The following MDFI variants were observed in gnomAD, a reference collection of about 807,000 sequenced individuals.
MDFI encodes the protein inhibitor of MyoD family a.
In MDFI, 16 loss-of-function variants were observed where a neutral mutation model predicts 22.3. The ratio of observed to expected loss-of-function variants is 0.72; its 90% CI spans 0.49 to 1.09. The LOEUF (loss-of-function observed/expected upper bound fraction) is 1.09, where lower values mean the gene tolerates loss of function less well. Among genes scored for constraint, MDFI ranks in the 50% least tolerant of loss-of-function variants. The probability of loss-of-function intolerance (pLI) is 0.00; values close to 1 mark genes in which losing one functional copy is unlikely to be tolerated. For missense variants in MDFI, 314 were observed against 326.1 expected, an observed-to-expected ratio of 0.96 and a Z score of 0.29; for synonymous variants, 145 against 142.7, an observed-to-expected ratio of 1.02 and a Z score of -0.12.
chr6:41,653,514 G>A lies in MDFI; in HGVS notation c.680G>A (p.Cys227Tyr). 2 of 1,602,100 alleles carry A rather than the reference G, an allele frequency of 1.2e-6. No individual in the cohort carries two copies. The highest frequency in any genetic ancestry group is 3.3e-5 in the Admixed American group (2 of 60,032). ...GACTGCGGCATCCTGGATGCCTGCT[G>A]CGAGTCCGCGGACTGCCTGGAGATC... is the stretch of plus-strand genomic sequence containing the variant. ...DLDCGILDAC[C>Y]ESADCLEICM... Residue 227 changes from cysteine (C) to tyrosine (Y), a missense_variant, in exon 5 of 5, where the codon TGC becomes TAC. Coordinates refer to ENST00000230321, the MANE Select transcript of MDFI (RefSeq NM_005586.4). This position sits in a 1 kb window ranked among gnomAD's most constrained non-coding sequence, Gnocchi z 4.2.
intron 2 of MDFI, 63 bp from the exon 3 acceptor site, chr6:41,646,063 C>T: frequency 1.4e-6 from 2 of 1,387,114 alleles, no homozygotes; most frequent in South Asian, 1.7e-5. Flanking sequence ...GGGGCGGGGC[C>T]CACGGCTGGG....
upstream of MDFI, chr6:41,637,241 G>C (rs966769827): frequency 6.6e-6 from 1 of 152,054 alleles, no homozygotes; most frequent in Admixed American, 6.5e-5. The surrounding 1 kb of genome is among the most constrained non-coding windows in gnomAD (Gnocchi z 6.8). Flanking sequence ...TCCCGGTCCT[G>C]GCCCCGACGG....
At chr6:41,643,552 A>AGGAG (rs1355179742) in intron 2 of MDFI, among the ~76,000 whole-genome samples, 2 of 77,356 alleles carry the variant, frequency 2.6e-5, no homozygotes, top group Non-Finnish European at 5.3e-5. Flanking sequence ...GAAGGAGGGA[A>AGGAG]GGAAGGAAGG....
chr6:41,639,096 AC>A (rs746454426), intron 2 of MDFI: 13,248 of 453,398 alleles, frequency 0.029, 189 homozygotes, highest in South Asian at 0.058. Context: ...ACACACACAC[AC>A]AAACACACAC....
At position 41,641,077 on chromosome 6, in the gene MDFI, C is replaced by T. The variant is rs1433653252; in HGVS notation, c.76+2252C>T. Among the ~76,000 whole-genome samples, 4 of 152,176 alleles carry T rather than the reference C, an allele frequency of 2.6e-5. No individual in the cohort carries two copies. In the South Asian group the frequency reaches 8.3e-4, roughly 32 times the overall value. On this transcript the variant is annotated intron_variant, in intron 2 of 4. Transcript: ENST00000230321. Reference sequence around the variant, plus strand: ...CCATGTGTGCATCAAAGGAGTCCACCCTCTCTGACTTTCTTGGGGTTCAGG... The same window carrying T: ...CCATGTGTGCATCAAAGGAGTCCACTCTCTCTGACTTTCTTGGGGTTCAGG...
chr6:41,646,184 G>A lies in MDFI; in HGVS notation c.135G>A (p.Ala45=), dbSNP rs370694179. ...LEVVTGSTHP[A]EAAPEEGSLE... The stretch of plus-strand genomic sequence containing the variant: ...TAGTAACAGGATCCACTCACCCTGC[G>A]GAGGCAGCACCAGAGGAGGGCTCCC... The change falls in exon 3 of 5, where the codon GCG becomes GCA. Residue 45 remains alanine (A), a synonymous_variant. Coordinates refer to ENST00000230321, the MANE Select transcript of MDFI (RefSeq NM_005586.4). The A allele has an allele frequency of 6.6e-5, 105 of 1,589,956 alleles. 1 individual carries two copies. The Middle Eastern group carries it at 1.2e-3, about 18-fold the overall frequency.
chr6:41,643,041 TCA>T (rs891462427), intron 2 of MDFI, among the ~76,000 whole-genome samples: 54 of 152,148 alleles, frequency 3.5e-4, no homozygotes, highest in Admixed American at 3.3e-3. Context: ...ACCATAGGAC[TCA>T]CAGTGTCACC....
At position 41,653,599 on chromosome 6, in the gene MDFI, C is replaced by A; in HGVS notation, c.*24C>A. On this transcript the variant is annotated 3_prime_UTR_variant, in exon 5 of 5. Coordinates refer to ENST00000230321, the MANE Select transcript of MDFI (RefSeq NM_005586.4). The surrounding 1 kb of genome is among the most constrained non-coding windows in gnomAD (Gnocchi z 4.2). ...GAGCCTCTGTCGGGGGCTAAGCCAG[C>A]CTGGCGCCCCTGCAGATTCCAGCAG... The A allele has an allele frequency of 6.3e-7, 1 of 1,597,234 alleles. No homozygotes were observed. The highest frequency in any genetic ancestry group is 8.5e-7 in the Non-Finnish European group (1 of 1,178,024).
At chr6:41,651,295 G>A (rs1768262763) in intron 4 of MDFI, among the ~76,000 whole-genome samples, 1 of 149,514 alleles carries the variant, frequency 6.7e-6, no homozygotes, top group South Asian at 2.2e-4. Flanking sequence ...GATGTGATAA[G>A]TGCAATGATA....
At chr6:41,642,470 C>T (rs914180981) in intron 2 of MDFI, among the ~76,000 whole-genome samples, 6 of 152,134 alleles carry the variant, frequency 3.9e-5, no homozygotes, top group South Asian at 4.1e-4. Flanking sequence ...GGGCTCTTGG[C>T]GCCTCTGCCC....
At chr6:41,649,161 C>A (rs989935925) in intron 3 of MDFI, among the ~76,000 whole-genome samples, 2 of 152,222 alleles carry the variant, frequency 1.3e-5, no homozygotes, top group East Asian at 1.9e-4. Flanking sequence ...TCACCCAGTG[C>A]GCCAAGGGCA....
intron 4 of MDFI, among the ~76,000 whole-genome samples, chr6:41,652,914 G>A (rs534188828): frequency 4.5e-4 from 69 of 152,260 alleles, no homozygotes; most frequent in Admixed American, 3.4e-3. Flanking sequence ...CACTGGGCCC[G>A]GCCGACTTCT....
At chr6:41,637,980 T>C (rs952944337), upstream of MDFI, among the ~76,000 whole-genome samples, 2 of 152,142 alleles carry the variant, frequency 1.3e-5, no homozygotes, top group Non-Finnish European at 2.9e-5. This position sits in a 1 kb window ranked among gnomAD's most constrained non-coding sequence, Gnocchi z 6.8. Flanking sequence ...CAGATCCCTG[T>C]CCCTGGCTTA....
chr6:41,649,563 T>TG, intron 3 of MDFI, 56 bp from the exon 4 acceptor site: 1 of 1,457,954 alleles, frequency 6.9e-7, no homozygotes. Context: ...AGCATAGCTC[T>TG]GGGGGCCGAA....
intron 3 of MDFI, 105 bp from the exon 4 acceptor site, chr6:41,649,513 TG>T: frequency 1.9e-6 from 2 of 1,028,316 alleles, no homozygotes; most frequent in Non-Finnish European, 2.9e-6. Context: ...TCTGGCTGGG[TG>T]CTTTGGGGTA....
At chr6:41,652,345 A>C (rs1437243461) in intron 4 of MDFI, among the ~76,000 whole-genome samples, 1 of 152,204 alleles carries the variant, frequency 6.6e-6, no homozygotes, top group Non-Finnish European at 1.5e-5. Context: ...GGGCACAGGG[A>C]CCACACTACA....
intron 3 of MDFI, among the ~76,000 whole-genome samples, chr6:41,648,109 A>C (rs966446637): frequency 6.6e-6 from 1 of 151,464 alleles, no homozygotes; most frequent in Non-Finnish European, 1.5e-5. Flanking sequence ...TGCCTGGTAC[A>C]TAACACCAGT....
At chr6:41,642,191 C>T (rs1440280907) in intron 2 of MDFI, among the ~76,000 whole-genome samples, 4 of 152,096 alleles carry the variant, frequency 2.6e-5, no homozygotes, top group African/African-American at 9.7e-5. Flanking sequence ...AAGGAACCCC[C>T]TTGGTCAGAT....
rs981772310 is a variant in MDFI, at chr6:41,653,650, A to G, written c.*75A>G. 9 of 1,562,942 alleles carry G rather than the reference A, an allele frequency of 5.8e-6. No individual in the cohort carries two copies. The East Asian group carries it at 2.0e-4, about 35-fold the overall frequency. ...GGTCCCTCTGAGTGGGGCCAGGCCC[A>G]GGACTGTCACACAAGGCTTGAGAAG... On this transcript the variant is annotated 3_prime_UTR_variant, in exon 5 of 5. Transcript: ENST00000230321. This position sits in a 1 kb window ranked among gnomAD's most constrained non-coding sequence, Gnocchi z 4.2.
Sources: allele counts gnomAD v4.1 joint callset (sites outside exome capture counted in the v4.1 genomes callset), GRCh38; gene constraint gnomAD v4.1.1; non-coding constraint Gnocchi (gnomAD v3.1); transcripts MANE v1.5; gene names NCBI Gene and HGNC (gene_info 2026-07-23, HGNC 2026-07-21).